Variants in DARS1 observed in about 807,000 individuals in gnomAD.
DARS1 encodes aspartyl-tRNA synthetase 1, also known as aspartate--tRNA ligase, cytoplasmic.
Under a neutral mutation model 68.8 loss-of-function variants are expected in DARS1, and 51 were observed. That is an observed-to-expected ratio of 0.74 (90% CI 0.59 to 0.94). The LOEUF is 0.94. Among genes scored for constraint, DARS1 ranks in the 40% least tolerant of loss-of-function variants. DARS1 has a pLI of 0.00. For missense variants in DARS1, 607 were observed against 597.3 expected (o/e 1.02, Z -0.17); for synonymous variants, 203 against 190.4 (o/e 1.07, Z -0.55).
chr2:135,985,393 G>T lies in DARS1; in HGVS notation c.66+10C>A, dbSNP rs1360897286. 6.2e-7 allele frequency: 1 copy of T among 1,613,480 alleles called. No individual in the cohort carries two copies. Among genetic ancestry groups the T allele is most frequent in the South Asian group, 1.1e-5 (1 of 91,036 alleles). On this transcript the variant is annotated intron_variant, in intron 1 of 15. Coordinates refer to ENST00000264161, the MANE Select transcript of DARS1 (RefSeq NM_001349.4). ...CTGTCCTCCCAGGCCCAGGAAAGGA[G>T]GAAACCCACTTCCGCCGCGTCCATG... is the stretch of plus-strand genomic sequence containing the variant.
At chr2:135,952,473 T>C (rs1226666226) in intron 4 of DARS1, among the ~76,000 whole-genome samples, 1 of 152,208 alleles carries the variant, frequency 6.6e-6, no homozygotes, top group Non-Finnish European at 1.5e-5. Flanking sequence ...TTGTTAACCA[T>C]AGTTACCCTA....
At chr2:135,962,207 T>C (rs573662036) in intron 3 of DARS1, among the ~76,000 whole-genome samples, 1 of 152,228 alleles carries the variant, frequency 6.6e-6, no homozygotes, top group Non-Finnish European at 1.5e-5. Context: ...TCTTTATTCC[T>C]TCTTCTTTGA....
intron 1 of DARS1, 68 bp downstream of exon 1, chr2:135,985,335 C>A: frequency 6.4e-7 from 1 of 1,566,778 alleles, no homozygotes. Flanking sequence ...CACTCCCCCT[C>A]CTCCCTCCCT....
At chr2:135,976,471 A>G (rs1682499693) in intron 3 of DARS1, among the ~76,000 whole-genome samples, 1 of 152,204 alleles carries the variant, frequency 6.6e-6, no homozygotes, top group African/African-American at 2.4e-5. Flanking sequence ...TGTTCATAAC[A>G]TTGACACTCA....
chr2:135,985,349 C>G (rs1414763613), intron 1 of DARS1, 54 bp downstream of exon 1: 1 of 1,592,102 alleles, frequency 6.3e-7, no homozygotes, highest in South Asian at 1.1e-5. Context: ...CCTCCCTCGG[C>G]GCAGCCCGGC....
At chr2:135,981,648 T>C (rs1178249335) in intron 2 of DARS1, among the ~76,000 whole-genome samples, 2 of 152,086 alleles carry the variant, frequency 1.3e-5, no homozygotes, top group African/African-American at 4.8e-5. Context: ...TCTTTATGTT[T>C]TGGAAATGAT....
chr2:135,960,614 C>T (rs570271355), intron 4 of DARS1, among the ~76,000 whole-genome samples: 1 of 152,256 alleles, frequency 6.6e-6, no homozygotes, highest in South Asian at 2.1e-4. Context: ...TACTTTATTA[C>T]TTAAAACACA....
intron 13 of DARS1, 72 bp from the exon 14 acceptor site, chr2:135,911,565 C>G: frequency 1.4e-6 from 1 of 709,848 alleles, no homozygotes; most frequent in Non-Finnish European, 2.5e-6. Context: ...GGAAAAAAAT[C>G]TCTGCTGCAT....
chr2:135,915,074 A>C lies in DARS1; in HGVS notation c.1107-563T>G, dbSNP rs77930020. On this transcript the variant is annotated intron_variant, in intron 11 of 15. Coordinates refer to ENST00000264161, the MANE Select transcript of DARS1 (RefSeq NM_001349.4). ...ATCTTGCCTTAAAATGTCATCTAGC[A>C]ATGTAGGCAATATTTAAAGCCATAT... Among the ~76,000 whole-genome samples, 1,168 of 152,284 alleles carry C rather than the reference A, an allele frequency of 7.7e-3. 11 individuals are homozygous for C. Among genetic ancestry groups the C allele is most frequent in the African/African-American group, 0.027 (1,102 of 41,558 alleles).
chr2:135,914,771 T>A lies in DARS1; in HGVS notation c.1107-260A>T, dbSNP rs186896498. ...TAAACAGAATATAGCAATTCATTGA[T>A]TCAGAAATATCATGGATGAAGTAAT... On this transcript the variant is annotated intron_variant, in intron 11 of 15. Coordinates refer to ENST00000264161, the MANE Select transcript of DARS1 (RefSeq NM_001349.4). 7 of 319,332 alleles carry A rather than the reference T, an allele frequency of 2.2e-5. No individual in the cohort carries two copies. In the South Asian group the frequency reaches 4.5e-4, roughly 21 times the overall value. 19.8% of individuals were successfully genotyped at this position (319,332 alleles called of 1,614,324 possible).
chr2:135,951,046 G>A (rs776017887), intron 4 of DARS1, among the ~76,000 whole-genome samples: 17 of 152,290 alleles, frequency 1.1e-4, no homozygotes, highest in African/African-American at 2.6e-4. Context: ...GAGGTCCAAC[G>A]GAAAATGAGG....
chr2:135,915,724 G>C (rs1460961366), intron 11 of DARS1, among the ~76,000 whole-genome samples: 1 of 151,836 alleles, frequency 6.6e-6, no homozygotes, highest in Admixed American at 6.6e-5. Flanking sequence ...TATAACTTTT[G>C]GATGTTAACA....
intron 4 of DARS1, among the ~76,000 whole-genome samples, chr2:135,952,797 T>C (rs1681871651): frequency 6.6e-6 from 1 of 152,250 alleles, no homozygotes; most frequent in African/African-American, 2.4e-5. Context: ...GTTGAATCCA[T>C]ATCTTGGCTA....
chr2:135,938,912 G>C (rs979765900), intron 5 of DARS1, among the ~76,000 whole-genome samples: 1 of 152,180 alleles, frequency 6.6e-6, no homozygotes, highest in African/African-American at 2.4e-5. Context: ...AAGAGACAAA[G>C]AAGGCCATTA....
chr2:135,979,076 T>A (rs1317293982), intron 3 of DARS1, 198 bp downstream of exon 3: 2 of 427,650 alleles, frequency 4.7e-6, no homozygotes, highest in East Asian at 7.2e-5. Context: ...GTCTTTAGGG[T>A]CAAATTATTT....
At chr2:135,950,328 A>C (rs1432723789) in intron 4 of DARS1, among the ~76,000 whole-genome samples, 2 of 152,224 alleles carry the variant, frequency 1.3e-5, no homozygotes, top group Non-Finnish European at 2.9e-5. Flanking sequence ...AATTAAATGG[A>C]GATTAGAAAT....
At chr2:135,928,704 C>T (rs913030443) in intron 7 of DARS1, among the ~76,000 whole-genome samples, 2 of 124,208 alleles carry the variant, frequency 1.6e-5, no homozygotes, top group African/African-American at 6.1e-5. Context: ...GAATTTCTTT[C>T]TTGTCGCCCA....
rs1401804101 is a variant in DARS1 at position 135,961,423 on chromosome 2, C to T, written c.293G>A (p.Ser98Asn). The T allele has an allele frequency of 4.7e-6, 7 of 1,498,738 alleles. No individual in the cohort carries two copies. The highest frequency in any genetic ancestry group is 6.5e-6 in the Non-Finnish European group (7 of 1,074,562). The allele number at this position is 1,498,738 out of a possible 1,614,324, so 92.8% of individuals were successfully genotyped here. The change falls in exon 4 of 16, where the codon AGC (serine) becomes AAC (asparagine). Residue 98 changes from serine to asparagine, a missense_variant. Ser to Asn is a conservative substitution (Grantham distance 46). Coordinates refer to ENST00000264161, the MANE Select transcript of DARS1 (RefSeq NM_001349.4). Reference protein sequence around the residue: ...QALVAVGDHASKQMVKFAANI... With the variant: ...QALVAVGDHANKQMVKFAANI... ...GGCAGCAAATTTAACCATCTGCTTG[C>T]TTGCATGGTCTCCCACCGCCACAAG...
intron 4 of DARS1, among the ~76,000 whole-genome samples, chr2:135,954,459 T>C (rs945761189): frequency 2.0e-5 from 3 of 151,988 alleles, no homozygotes; most frequent in African/African-American, 7.3e-5. Flanking sequence ...ATCTGGCACT[T>C]TGTGGCTCCA....
Sources: gnomAD v4.1 joint callset for allele counts (sites outside exome capture counted in the v4.1 genomes callset) on GRCh38, gnomAD v4.1.1 for gene constraint, MANE v1.5 for transcripts, NCBI Gene and HGNC (gene_info 2026-07-23, HGNC 2026-07-21) for gene names.